UBA7: variants seen among roughly 807,000 people sequenced by gnomAD.
UBA7 encodes the protein ubiquitin-like modifier-activating enzyme 7.
Under a neutral mutation model 113.0 loss-of-function variants are expected in UBA7, and 88 were observed. That is an observed-to-expected ratio of 0.78 (90% CI 0.66 to 0.93). The LOEUF (loss-of-function observed/expected upper bound fraction) is 0.93, where lower values mean the gene tolerates loss of function less well. UBA7 is among the 40% of genes least tolerant of loss of function. The pLI, the probability that UBA7 is intolerant of heterozygous loss-of-function variation, is 0.00. For missense variants in UBA7, 1,092 were observed against 1,266.4 expected (o/e 0.86, Z 2.09); for synonymous variants, 459 against 513.0 (o/e 0.89, Z 1.42).
In UBA7 at chr3:49,812,495, A is replaced by C; in HGVS notation, c.607T>G (p.Phe203Val). 2 of 1,614,202 alleles carry C rather than the reference A, an allele frequency of 1.2e-6. No homozygotes were observed. The highest frequency in any genetic ancestry group is 1.1e-5 in the South Asian group (1 of 91,084). The change falls in exon 6 of 24, where the codon TTC (phenylalanine) becomes GTC (valine). Residue 203 changes from phenylalanine to valine, a missense_variant. By Grantham distance (50) the Phe-to-Val change is conservative. Coordinates refer to ENST00000333486, the MANE Select transcript of UBA7 (RefSeq NM_003335.3). ...TLRKGANTHY[F>V]RDGDLVTFSG... ...AAAGTCACCAAGTCTCCATCACGGA[A>C]GTAGTGGGTATTGGCCCCTTTCCTC... is the stretch of plus-strand genomic sequence containing the variant.
Position 49,805,927 on chromosome 3 carries a change from G to A in UBA7, c.2879C>T (p.Pro960Leu). 1 of 1,558,980 alleles carries A rather than the reference G, an allele frequency of 6.4e-7. No individual in the cohort carries two copies. The highest frequency in any genetic ancestry group is 8.7e-7 in the Non-Finnish European group (1 of 1,151,308). Residue 960 changes from proline to leucine, a missense_variant, in exon 23 of 24, where the codon CCT (proline) becomes CTT (leucine). This residue lies in a region of UBA7 where 500 missense variants were observed against 529.3 expected (regional missense o/e 0.94). Coordinates refer to ENST00000333486, the MANE Select transcript of UBA7 (RefSeq NM_003335.3). ...SALLYAAGWS[P>L]EKQAQHLPLR... ...GGGCAGGTGCTGGGCCTGCTTTTCA[G>A]GTGACCATCCGGCCGCATAGAGCAG...
In UBA7 at chr3:49,811,412, G is replaced by A. The variant is rs765253430; in HGVS notation, c.983C>T (p.Pro328Leu). The change falls in exon 9 of 24, where the codon CCA (proline) becomes CTA (leucine). Residue 328 changes from proline to leucine, a missense_variant. Pro to Leu is a moderately conservative substitution (Grantham distance 98). This residue lies in a region of UBA7 where 584 missense variants were observed against 714.5 expected (regional missense o/e 0.82). Coordinates refer to ENST00000333486, the MANE Select transcript of UBA7 (RefSeq NM_003335.3). ...TGGCTCTTCCTCTGTCCGCTTCAGT[G>A]GTTCCAGGTCCCGGGCCAGGCCCAC... is the stretch of plus-strand genomic sequence containing the variant. ...TVVGLARDLEPLKRTEEEPLE... is the reference protein window; with the variant it reads ...TVVGLARDLELLKRTEEEPLE... 6.2e-7 allele frequency: 1 copy of A among 1,607,282 alleles called. No homozygotes were observed. Among genetic ancestry groups the A allele is most frequent in the East Asian group, 2.3e-5 (1 of 44,280 alleles).
rs769632814 is a variant in UBA7 at position 49,809,679 on chromosome 3, A to T, written c.1951T>A (p.Leu651Ile). 2 of 1,614,018 alleles carry T rather than the reference A, an allele frequency of 1.2e-6. No individual in the cohort carries two copies. Among genetic ancestry groups the T allele is most frequent in the African/African-American group, 2.7e-5 (2 of 74,918 alleles). Reference sequence around the variant, plus strand: ...AGGACCCCAAGCACTGGCTTCAGTAAGGTGAGTGTCTGTGGCTCATCCATG... The same window carrying T: ...AGGACCCCAAGCACTGGCTTCAGTATGGTGAGTGTCTGTGGCTCATCCATG... ...ADMDEPQTLT[L>I]LKPVLGVLRV... is the part of the protein sequence containing the mutation. The change falls in exon 16 of 24, where the codon TTA (leucine) becomes ATA (isoleucine). Residue 651 changes from leucine to isoleucine, a missense_variant. Coordinates refer to ENST00000333486, the MANE Select transcript of UBA7 (RefSeq NM_003335.3).
Position 49,810,642 on chromosome 3 carries a change from G to T in UBA7, c.1342C>A (p.Leu448Ile), listed in dbSNP as rs1559435489. 2.5e-6 allele frequency: 4 copies of T among 1,614,132 alleles called. No homozygotes were observed. Among genetic ancestry groups the T allele is most frequent in the Non-Finnish European group, 3.4e-6 (4 of 1,179,996 alleles). The change falls in exon 12 of 24, where the codon CTC becomes ATC. Residue 448 changes from leucine (L) to isoleucine (I), a missense_variant. Transcript: ENST00000333486. This position sits in a 1 kb window ranked among gnomAD's most constrained non-coding sequence, Gnocchi z 5.6. Reference protein sequence around the residue: ...VGAGAIGCELLKVFALVGLGA... With the variant: ...VGAGAIGCELIKVFALVGLGA... ...AGTCCCACTAGGGCAAAGACTTTGA[G>T]CAGCTCACAACCAATGGCACCAGCG...
intron 17 of UBA7, 52 bp from the exon 18 acceptor site, chr3:49,809,211 T>C: frequency 6.4e-7 from 1 of 1,565,658 alleles, no homozygotes; most frequent in Non-Finnish European, 8.7e-7. Flanking sequence ...GGGGTGGGGG[T>C]CACTGTCCAT....
In UBA7 at chr3:49,807,720, G is replaced by T; in HGVS notation, c.2715+16C>A. On this transcript the variant is annotated intron_variant, in intron 21 of 23. Transcript: ENST00000333486. The surrounding 1 kb of genome is among the most constrained non-coding windows in gnomAD (Gnocchi z 4.0). Reference sequence around the variant, plus strand: ...CCAGGCCTAGTAGGGCTAAGGGTGGGGTATCATGGGCTCACCGTCTGGATG... The same window carrying T: ...CCAGGCCTAGTAGGGCTAAGGGTGGTGTATCATGGGCTCACCGTCTGGATG... 7 of 1,593,554 alleles carry T rather than the reference G, an allele frequency of 4.4e-6. No individual in the cohort carries two copies. Among genetic ancestry groups the T allele is most frequent in the Non-Finnish European group, 6.0e-6 (7 of 1,169,126 alleles).
intron 21 of UBA7, chr3:49,806,393 G>A (rs564859175): frequency 2.5e-4 from 145 of 588,654 alleles, no homozygotes; most frequent in Non-Finnish European, 4.0e-4. Flanking sequence ...GGAAACAGAC[G>A]ATCCATCACA....
chr3:49,805,478 A>T, intron 23 of UBA7, 41 bp from the exon 24 acceptor site: 1 of 1,597,212 alleles, frequency 6.3e-7, no homozygotes, highest in Non-Finnish European at 8.6e-7. Flanking sequence ...GAGGTGAGCC[A>T]TGGCAAGCAG....
rs2081506132 is a variant in UBA7 at position 49,809,436 on chromosome 3, GAC to G, written c.2115_2116del (p.Trp705CysfsTer13). ...GGGCTGGGGACACTGTTTGGGACCT[GAC>G]CAGAAGGGAGTTCCATCCTCAAGCA... On this transcript the variant is annotated frameshift_variant, in exon 17 of 24. Transcript: ENST00000333486. LOFTEE classifies it high-confidence loss of function. The G allele has an allele frequency of 6.2e-7, 1 of 1,614,054 alleles. No homozygotes were observed. Among genetic ancestry groups the G allele is most frequent in the Non-Finnish European group, 8.5e-7 (1 of 1,180,034 alleles).
chr3:49,812,396 G>A lies in UBA7; in HGVS notation c.694+12C>T, dbSNP rs534136656. 2.5e-6 allele frequency: 4 copies of A among 1,614,070 alleles called. No homozygotes were observed. In the East Asian group the frequency reaches 8.9e-5, roughly 36 times the overall value. On this transcript the variant is annotated intron_variant, in intron 6 of 23. Transcript: ENST00000333486. Reference sequence around the variant, plus strand: ...GGGCCCTGCACCTGGAATTGGAATGGGATTGGCTTACCCCGCACGTGGATA... The same window carrying A: ...GGGCCCTGCACCTGGAATTGGAATGAGATTGGCTTACCCCGCACGTGGATA...
rs1430921120 is a variant in UBA7, at chr3:49,811,399, T to G, written c.996A>C (p.Thr332=). ...GTGGCTCTTCCAGTGGCTCTTCCTC[T>G]GTCCGCTTCAGTGGTTCCAGGTCCC... is the stretch of plus-strand genomic sequence containing the variant. ...LARDLEPLKR[T]EEEPLEEPLD... is the part of the protein sequence containing the mutation. The change falls in exon 9 of 24, where the codon ACA becomes ACC. Residue 332 remains threonine (T), a synonymous_variant. Coordinates refer to ENST00000333486, the MANE Select transcript of UBA7 (RefSeq NM_003335.3). 1 of 1,611,672 alleles carries G rather than the reference T, an allele frequency of 6.2e-7. No homozygotes were observed. Among genetic ancestry groups the G allele is most frequent in the African/African-American group, 1.3e-5 (1 of 74,790 alleles).
chr3:49,808,315 T>C (rs1244663033), intron 19 of UBA7, 71 bp downstream of exon 19: 1 of 1,597,730 alleles, frequency 6.3e-7, no homozygotes, highest in African/African-American at 1.3e-5. Context: ...GCTCCAAAAC[T>C]ACCTTATTAG....
In UBA7 at chr3:49,807,714, G is replaced by A. The variant is rs1448816212; in HGVS notation, c.2715+22C>T. ...GGAAACCCAGGCCTAGTAGGGCTAA[G>A]GGTGGGGTATCATGGGCTCACCGTC... is the stretch of plus-strand genomic sequence containing the variant. On this transcript the variant is annotated intron_variant, in intron 21 of 23. Transcript: ENST00000333486. This position sits in a 1 kb window ranked among gnomAD's most constrained non-coding sequence, Gnocchi z 4.0. 6.3e-7 allele frequency: 1 copy of A among 1,588,978 alleles called. No individual in the cohort carries two copies. The highest frequency in any genetic ancestry group is 1.7e-5 in the Admixed American group (1 of 58,216).
At chr3:49,806,251 A>T in intron 21 of UBA7, 86 bp from the exon 22 acceptor site, 1 of 1,123,684 alleles carries the variant, frequency 8.9e-7, no homozygotes, top group Non-Finnish European at 1.3e-6. Flanking sequence ...CTAGGGGAAG[A>T]GCTGGACTAG....
rs1370582447 is a variant in UBA7 at position 49,811,069 on chromosome 3, G to C, written c.1145C>G (p.Pro382Arg). 1.9e-6 allele frequency: 3 copies of C among 1,614,060 alleles called. No homozygotes were observed. Among genetic ancestry groups the C allele is most frequent in the South Asian group, 2.2e-5 (2 of 91,082 alleles). ...ATCAAAGTAAAGCCACTGGTCCAGAGGCATGAACTTCCTGGAGATTGCCTA... is the reference window on the plus strand; with the variant it reads ...ATCAAAGTAAAGCCACTGGTCCAGACGCATGAACTTCCTGGAGATTGCCTA... ...VLKAISRKFMPLDQWLYFDAL... is the reference protein window; with the variant it reads ...VLKAISRKFMRLDQWLYFDAL... Residue 382 changes from proline to arginine, a missense_variant, in exon 10 of 24, where the codon CCT becomes CGT. Pro to Arg is a moderately radical substitution (Grantham distance 103, BLOSUM62 -2). This residue lies in a region of UBA7 where 584 missense variants were observed against 714.5 expected (regional missense o/e 0.82). Transcript: ENST00000333486.
At position 49,809,617 on chromosome 3, in the gene UBA7, C is replaced by A. The variant is rs766026076; in HGVS notation, c.2013G>T (p.Ala671=). 12 of 1,613,996 alleles carry A rather than the reference C, an allele frequency of 7.4e-6. No individual in the cohort carries two copies. Among genetic ancestry groups the A allele is most frequent in the Non-Finnish European group, 1.0e-5 (12 of 1,180,044 alleles). ...VRPQNWQDCV[A]WALGHWKLCF... is the part of the protein sequence containing the mutation. ...AGAGTTTCCAGTGGCCAAGAGCCCA[C>A]GCCACACAGTCTTGCCAGTTCTGTG... The change falls in exon 16 of 24, where the codon GCG becomes GCT. Residue 671 remains alanine (A), a synonymous_variant. Transcript: ENST00000333486.
rs370839169 is a variant in UBA7 at position 49,809,962 on chromosome 3, C to T, written c.1839+16G>A. 9 of 1,613,866 alleles carry T rather than the reference C, an allele frequency of 5.6e-6. No individual in the cohort carries two copies. The highest frequency in any genetic ancestry group is 7.6e-6 in the Non-Finnish European group (9 of 1,179,978). ...GCTGAGCTGGGTGGGGTGGGAGTCT[C>T]CAGGGTGCTTCCTACCTGCAGGGTG... On this transcript the variant is annotated intron_variant, in intron 14 of 23. Coordinates refer to ENST00000333486, the MANE Select transcript of UBA7 (RefSeq NM_003335.3).
chr3:49,813,850 C>T lies in UBA7; in HGVS notation c.-63G>A, dbSNP rs1226911140. 1.1e-5 allele frequency: 18 copies of T among 1,595,086 alleles called. No homozygotes were observed. Among genetic ancestry groups the T allele is most frequent in the African/African-American group, 2.7e-5 (2 of 74,362 alleles). ...AGAGATAGGGTCTTTGTGTAGGTGG[C>T]GGTGACAGTAGGGGCCAGTGCCCTG... On this transcript the variant is annotated 5_prime_UTR_variant, in exon 1 of 24. Coordinates refer to ENST00000333486, the MANE Select transcript of UBA7 (RefSeq NM_003335.3).
At chr3:49,805,704 C>G (rs2108298100) in intron 23 of UBA7, among the ~76,000 whole-genome samples, 193 bp downstream of exon 23, 1 of 152,292 alleles carries the variant, frequency 6.6e-6, no homozygotes. Context: ...AAATAGGCAG[C>G]TCCTGAAGAC....
Sources: allele counts gnomAD v4.1 joint callset (sites outside exome capture counted in the v4.1 genomes callset), GRCh38; gene constraint gnomAD v4.1.1; regional missense constraint gnomAD v4.1.1; non-coding constraint Gnocchi (gnomAD v3.1); transcripts MANE v1.5; gene names NCBI Gene and HGNC (gene_info 2026-07-23, HGNC 2026-07-21).